Variants in MYO5A observed in about 807,000 individuals in gnomAD.
MYO5A encodes unconventional myosin-Va.
MYO5A carries 98 observed loss-of-function variants against 249.7 expected under a neutral mutation model. That is an observed-to-expected ratio of 0.39 (90% confidence interval 0.33 to 0.46). The LOEUF (loss-of-function observed/expected upper bound fraction) is 0.46, where lower values mean the gene tolerates loss of function less well. Ranked by LOEUF, MYO5A falls within the 20% of genes least tolerant of loss-of-function variation. MYO5A has a pLI of 0.98. For missense variants in MYO5A, 1,696 were observed against 2,308.8 expected (o/e 0.73, Z 5.44); for synonymous variants, 778 against 810.6 (o/e 0.96, Z 0.68).
chr15:52,392,673 G>A (rs932616904), intron 11 of MYO5A, among the ~76,000 whole-genome samples: 6 of 152,162 alleles, frequency 3.9e-5, no homozygotes, highest in Non-Finnish European at 8.8e-5. Context: ...TGCTATTTCC[G>A]ATGAAGCCTT....
At chr15:52,396,259 T>C in intron 11 of MYO5A, 57 bp downstream of exon 11, 1 of 1,042,854 alleles carries the variant, frequency 9.6e-7, no homozygotes, top group Non-Finnish European at 1.5e-6. Context: ...AAACAAAGAC[T>C]AGGAATTCAA....
At chr15:52,401,108 T>A (rs1352820526) in intron 9 of MYO5A, among the ~76,000 whole-genome samples, 1 of 141,298 alleles carries the variant, frequency 7.1e-6, no homozygotes, top group Non-Finnish European at 1.5e-5. Context: ...TCTTGCTCTA[T>A]CCTCCAGGCT....
intron 1 of MYO5A, among the ~76,000 whole-genome samples, chr15:52,459,086 G>A (rs1296809329): frequency 2.1e-5 from 3 of 145,262 alleles, no homozygotes; most frequent in African/African-American, 5.0e-5. Context: ...TGCAACTTCC[G>A]CCTCCCAGGA....
intron 1 of MYO5A, among the ~76,000 whole-genome samples, chr15:52,518,887 A>AGTTCCATAAAG (rs2077553759): frequency 1.3e-5 from 2 of 152,198 alleles, no homozygotes; most frequent in Non-Finnish European, 2.9e-5. Context: ...TAAAGCAAAA[A>AGTTCCATAAAG]CAAAAATGAA....
At chr15:52,428,157 A>G (rs571861894) in intron 3 of MYO5A, among the ~76,000 whole-genome samples, 1 of 152,332 alleles carries the variant, frequency 6.6e-6, no homozygotes, top group East Asian at 1.9e-4. Context: ...GACTTCTGTA[A>G]GGGGAAAAAA....
In MYO5A at chr15:52,329,465, A is replaced by C. The variant is rs1473264103; in HGVS notation, c.4555+888T>G. ...TAATCATTTACCACCACCCTCTAAA[A>C]AGTTTTCTTGCAAAGCCAGCAGGCT... On this transcript the variant is annotated intron_variant, in intron 35 of 41. Transcript: ENST00000399233. Among the ~76,000 whole-genome samples, 3 of 152,136 alleles carry C rather than the reference A, an allele frequency of 2.0e-5. No individual in the cohort carries two copies. In the East Asian group the frequency reaches 5.8e-4, roughly 29 times the overall value.
At chr15:52,387,640 A>G in intron 14 of MYO5A, 189 bp downstream of exon 14, 1 of 564,512 alleles carries the variant, frequency 1.8e-6, no homozygotes, top group South Asian at 2.1e-5. Flanking sequence ...TCATTAGATG[A>G]GTTAGCATTT....
chr15:52,422,830 C>T (rs1050211640), intron 4 of MYO5A, among the ~76,000 whole-genome samples: 10 of 152,168 alleles, frequency 6.6e-5, no homozygotes, highest in African/African-American at 2.4e-4. Context: ...GATCCTCCCA[C>T]CTCTGACTCC....
In MYO5A at chr15:52,376,471, G is replaced by C; in HGVS notation, c.2296C>G (p.Leu766Val). 6.2e-7 allele frequency: 1 copy of C among 1,614,126 alleles called. No homozygotes were observed. Among genetic ancestry groups the C allele is most frequent in the Non-Finnish European group, 8.5e-7 (1 of 1,180,008 alleles). Residue 766 changes from leucine (L) to valine (V), a missense_variant, in exon 19 of 42, where the codon CTG (leucine) becomes GTG (valine). Physicochemically the swap from Leu to Val is conservative, Grantham distance 32. Coordinates refer to ENST00000399233, the MANE Select transcript of MYO5A (RefSeq NM_001382347.1). ...AYLEKLRADK[L>V]RAACIRIQKT... ...TGGATCCGGATGCAGGCAGCTCTCA[G>C]TTTGTCAGCTCTCAATTTTTCTAGA... is the stretch of plus-strand genomic sequence containing the variant.
At chr15:52,401,980 T>A (rs570438441) in intron 9 of MYO5A, among the ~76,000 whole-genome samples, 1 of 152,224 alleles carries the variant, frequency 6.6e-6, no homozygotes, top group Non-Finnish European at 1.5e-5. Flanking sequence ...CTGCTATCTG[T>A]CGTTTCTCCT....
At chr15:52,326,191 T>C (rs1376253025) in intron 36 of MYO5A, among the ~76,000 whole-genome samples, 1 of 152,234 alleles carries the variant, frequency 6.6e-6, no homozygotes, top group Non-Finnish European at 1.5e-5. Context: ...TAAAGAGTGT[T>C]GTGTTCTAGT....
chr15:52,520,121 G>T (rs1226083217), intron 1 of MYO5A, among the ~76,000 whole-genome samples: 2 of 152,200 alleles, frequency 1.3e-5, no homozygotes, highest in African/African-American at 4.8e-5. Flanking sequence ...CTTGCTCAAA[G>T]ATCAGAAAAG....
chr15:52,503,725 T>G (rs933883874), intron 1 of MYO5A, among the ~76,000 whole-genome samples: 2 of 152,186 alleles, frequency 1.3e-5, no homozygotes, highest in African/African-American at 4.8e-5. Context: ...AAGTGGAAAC[T>G]TATTATGTTC....
intron 1 of MYO5A, among the ~76,000 whole-genome samples, chr15:52,445,393 C>A (rs1053620048): frequency 3.3e-5 from 5 of 152,044 alleles, no homozygotes; most frequent in Non-Finnish European, 5.9e-5. Context: ...CCTGCAGAAC[C>A]GTAAGCCAAT....
At chr15:52,338,896 CCAAT>C (rs1468816596) in intron 32 of MYO5A, among the ~76,000 whole-genome samples, 8 of 152,122 alleles carry the variant, frequency 5.3e-5, no homozygotes, top group African/African-American at 9.7e-5. Context: ...AACTTGTATG[CCAAT>C]CAATCAACTT....
At chr15:52,317,526 T>A (rs1596270202) in intron 39 of MYO5A, among the ~76,000 whole-genome samples, 1 of 152,250 alleles carries the variant, frequency 6.6e-6, no homozygotes, top group Non-Finnish European at 1.5e-5. Flanking sequence ...ATAATGTAGC[T>A]CTGTCTTTAT....
At chr15:52,460,381 C>A (rs945544671) in intron 1 of MYO5A, among the ~76,000 whole-genome samples, 33 of 152,348 alleles carry the variant, frequency 2.2e-4, no homozygotes, top group African/African-American at 7.9e-4. Flanking sequence ...GAGCGAGACT[C>A]CGTCTACAAT....
chr15:52,432,833 T>C (rs1346302969), intron 2 of MYO5A, among the ~76,000 whole-genome samples: 1 of 152,196 alleles, frequency 6.6e-6, no homozygotes, highest in Non-Finnish European at 1.5e-5. Flanking sequence ...CTCTAAGACC[T>C]GGCACCATGC....
At chr15:52,339,508 A>AT (rs2039281839) in intron 32 of MYO5A, among the ~76,000 whole-genome samples, 2 of 151,690 alleles carry the variant, frequency 1.3e-5, no homozygotes, top group Admixed American at 6.6e-5. Flanking sequence ...ATTTTAGAAA[A>AT]TTTTTTTGGC....
Sources: gnomAD v4.1 joint callset for allele counts (sites outside exome capture counted in the v4.1 genomes callset) on GRCh38, gnomAD v4.1.1 for gene constraint, MANE v1.5 for transcripts, NCBI Gene and HGNC (gene_info 2026-07-23, HGNC 2026-07-21) for gene names.